UBAC2: variants seen among roughly 807,000 people sequenced by gnomAD.
UBAC2 encodes the protein UBA domain containing 2, also known as ubiquitin-associated domain-containing protein 2.
Under a neutral mutation model 44.0 loss-of-function variants are expected in UBAC2, and 26 were observed. That is an observed-to-expected ratio of 0.59 (90% CI 0.43 to 0.82). The LOEUF (loss-of-function observed/expected upper bound fraction) is 0.82, where lower values mean the gene tolerates loss of function less well. UBAC2 is among the 40% of genes least tolerant of loss of function. The pLI is 0.00. For synonymous variants in UBAC2, 155 were observed against 154.3 expected, an observed-to-expected ratio of 1.00 and a Z score of -0.04; for missense variants, 329 against 419.4, an observed-to-expected ratio of 0.78 and a Z score of 1.88.
chr13:99,288,322 G>A (rs749482439), intron 4 of UBAC2, among the ~76,000 whole-genome samples: 3 of 152,316 alleles, frequency 2.0e-5, no homozygotes, highest in African/African-American at 4.8e-5. Flanking sequence ...AGAAAGTAAC[G>A]TGGCCCCTGC....
At position 99,311,303 on chromosome 13, in the gene UBAC2, C is replaced by T. The variant is rs1056666031; in HGVS notation, c.390-2794C>T. Among the ~76,000 whole-genome samples, 6 of 152,008 alleles carry T rather than the reference C, an allele frequency of 3.9e-5. No individual in the cohort carries two copies. The South Asian group carries it at 6.2e-4, about 16-fold the overall frequency. On this transcript the variant is annotated intron_variant, in intron 4 of 8. Coordinates refer to ENST00000403766, the MANE Select transcript of UBAC2 (RefSeq NM_001144072.2). The stretch of plus-strand genomic sequence containing the variant: ...GGGAAGGCTGTGAGGGCGGGAGGTG[C>T]GGTTTGAAATGGGGCAGTCAGGGAG...
At chr13:99,227,226 G>T (rs922502106) in intron 1 of UBAC2, among the ~76,000 whole-genome samples, 1 of 151,342 alleles carries the variant, frequency 6.6e-6, no homozygotes, top group Non-Finnish European at 1.5e-5. Context: ...AAAAAAAGAC[G>T]GCACCCCTCC....
chr13:99,362,591 C>T (rs932219431), intron 7 of UBAC2, among the ~76,000 whole-genome samples: 1 of 152,196 alleles, frequency 6.6e-6, no homozygotes, highest in Non-Finnish European at 1.5e-5. Context: ...TTGCCTTTCC[C>T]TAACACTAGT....
chr13:99,272,718 C>G (rs2043831904), intron 4 of UBAC2, among the ~76,000 whole-genome samples: 1 of 152,104 alleles, frequency 6.6e-6, no homozygotes, highest in African/African-American at 2.4e-5. Flanking sequence ...ATCATGGGGG[C>G]CCCACCCTCA....
At chr13:99,207,920 ATTCT>A (rs757753361) in intron 1 of UBAC2, among the ~76,000 whole-genome samples, 2 of 151,480 alleles carry the variant, frequency 1.3e-5, no homozygotes, top group Non-Finnish European at 2.9e-5. Flanking sequence ...TCCTACTGAC[ATTCT>A]TTCTTAAGTA....
At chr13:99,357,653 C>G (rs968597428) in intron 7 of UBAC2, among the ~76,000 whole-genome samples, 6 of 152,356 alleles carry the variant, frequency 3.9e-5, no homozygotes, top group African/African-American at 1.4e-4. Context: ...AGTTTCCCAG[C>G]ATTGCTTCTT....
chr13:99,295,157 G>A lies in UBAC2; in HGVS notation c.390-18940G>A. ...GGCTGACTTCACAGCACTAGAAATC[G>A]ATACACTGACTTGCCGTTTCAGCAT... On this transcript the variant is annotated intron_variant, in intron 4 of 8. Coordinates refer to ENST00000403766, the MANE Select transcript of UBAC2 (RefSeq NM_001144072.2). This position sits in a 1 kb window ranked among gnomAD's most constrained non-coding sequence, Gnocchi z 4.1. 6 of 1,614,060 alleles carry A rather than the reference G, an allele frequency of 3.7e-6. No homozygotes were observed. The highest frequency in any genetic ancestry group is 5.1e-6 in the Non-Finnish European group (6 of 1,179,986).
intron 4 of UBAC2, among the ~76,000 whole-genome samples, chr13:99,285,303 C>T (rs1002907405): frequency 3.9e-5 from 6 of 151,954 alleles, no homozygotes; most frequent in African/African-American, 1.5e-4. Flanking sequence ...CCTCTTCTTC[C>T]TCCCTTTGGT....
At chr13:99,212,199 G>A (rs1201358390) in intron 1 of UBAC2, among the ~76,000 whole-genome samples, 2 of 151,978 alleles carry the variant, frequency 1.3e-5, no homozygotes, top group Admixed American at 6.6e-5. Flanking sequence ...TTTAAAATTG[G>A]CATTTTTATA....
intron 1 of UBAC2, among the ~76,000 whole-genome samples, chr13:99,217,663 G>A (rs997437797): frequency 2.6e-5 from 4 of 152,188 alleles, no homozygotes; most frequent in Admixed American, 1.3e-4. Flanking sequence ...TGCCCACCCC[G>A]CGGTGCTTCT....
intron 4 of UBAC2, among the ~76,000 whole-genome samples, chr13:99,280,905 G>A (rs1346977153): frequency 6.6e-6 from 1 of 151,552 alleles, no homozygotes; most frequent in African/African-American, 2.4e-5. Flanking sequence ...AAAAATGTAG[G>A]CTGGGCGTGG....
chr13:99,345,059 G>A (rs1159159525), intron 7 of UBAC2, among the ~76,000 whole-genome samples: 1 of 152,158 alleles, frequency 6.6e-6, no homozygotes, highest in African/African-American at 2.4e-5. Flanking sequence ...AAGGACGGGT[G>A]GAATTTGGAT....
At chr13:99,323,253 G>A (rs977364508) in intron 6 of UBAC2, among the ~76,000 whole-genome samples, 2 of 152,086 alleles carry the variant, frequency 1.3e-5, no homozygotes, top group South Asian at 4.1e-4. Context: ...TTACTTTAGA[G>A]ATTTGGATTA....
intron 4 of UBAC2, among the ~76,000 whole-genome samples, chr13:99,246,876 G>A (rs555758868): frequency 6.6e-6 from 1 of 152,290 alleles, no homozygotes; most frequent in Admixed American, 6.5e-5. Context: ...TCCTTTTCAA[G>A]TCACAAAACA....
chr13:99,380,826 A>G (rs1392098964), intron 8 of UBAC2, among the ~76,000 whole-genome samples: 1 of 152,242 alleles, frequency 6.6e-6, no homozygotes, highest in Non-Finnish European at 1.5e-5. Flanking sequence ...TCTGGTGAAA[A>G]TAACAGGTCA....
chr13:99,210,858 C>G (rs559904169), intron 1 of UBAC2, among the ~76,000 whole-genome samples: 1 of 152,094 alleles, frequency 6.6e-6, no homozygotes, highest in East Asian at 1.9e-4. Flanking sequence ...GTGATCCACC[C>G]ACCTCGGCCT....
intron 6 of UBAC2, among the ~76,000 whole-genome samples, chr13:99,323,449 A>C (rs557138152): frequency 6.6e-6 from 1 of 152,308 alleles, no homozygotes; most frequent in African/African-American, 2.4e-5. Flanking sequence ...AAAAACAAAC[A>C]AACAAACAAA....
chr13:99,310,332 C>G (rs1023742448), intron 4 of UBAC2, among the ~76,000 whole-genome samples: 1 of 151,850 alleles, frequency 6.6e-6, no homozygotes, highest in African/African-American at 2.4e-5. Flanking sequence ...ACCGGTGTCT[C>G]AAGAAAAAAA....
intron 4 of UBAC2, among the ~76,000 whole-genome samples, chr13:99,265,055 T>G (rs1216968291): frequency 1.3e-5 from 2 of 152,098 alleles, no homozygotes; most frequent in Non-Finnish European, 2.9e-5. Context: ...TTGGAGACAT[T>G]ATAATCAACC....
Sources: allele counts gnomAD v4.1 joint callset (sites outside exome capture counted in the v4.1 genomes callset), GRCh38; gene constraint gnomAD v4.1.1; non-coding constraint Gnocchi (gnomAD v3.1); transcripts MANE v1.5; gene names NCBI Gene and HGNC (gene_info 2026-07-23, HGNC 2026-07-21).